GRM7: variants seen among roughly 807,000 people sequenced by gnomAD.
GRM7 encodes the protein metabotropic glutamate receptor 7.
Under a neutral mutation model 84.5 loss-of-function variants are expected in GRM7, and 35 were observed. That is an observed-to-expected ratio of 0.41 (90% CI 0.32 to 0.55). The LOEUF (loss-of-function observed/expected upper bound fraction) is 0.55. GRM7 is among the 20% of genes least tolerant of loss of function. The pLI is 0.19. For synonymous variants in GRM7, 487 were observed against 455.1 expected (o/e 1.07, Z -0.89); for missense variants, 1,003 against 1,194.6 (o/e 0.84, Z 2.36).
chr3:7,268,741 G>T (rs1464376531), intron 2 of GRM7, among the ~76,000 whole-genome samples: 1 of 152,154 alleles, frequency 6.6e-6, no homozygotes, highest in Non-Finnish European at 1.5e-5. Context: ...GACTTACCAT[G>T]CTGGCTAAAA....
At chr3:7,125,080 C>T (rs1255562036) in intron 1 of GRM7, among the ~76,000 whole-genome samples, 1 of 152,146 alleles carries the variant, frequency 6.6e-6, no homozygotes, top group East Asian at 1.9e-4. Context: ...GCTGGGACTA[C>T]AGGCACCCAC....
intron 7 of GRM7, among the ~76,000 whole-genome samples, chr3:7,492,064 A>G (rs775056262): frequency 8.5e-5 from 13 of 152,190 alleles, no homozygotes; most frequent in Admixed American, 5.9e-4. Flanking sequence ...GGAATCCCAC[A>G]TAGTCATGGT....
chr3:6,887,424 C>T (rs1005977175), intron 1 of GRM7, among the ~76,000 whole-genome samples: 33 of 151,330 alleles, frequency 2.2e-4, no homozygotes, highest in African/African-American at 8.0e-4. Context: ...TGTTCCCCTT[C>T]CTGTGTCCAT....
At chr3:6,941,598 A>T (rs1242122813) in intron 1 of GRM7, among the ~76,000 whole-genome samples, 1 of 152,250 alleles carries the variant, frequency 6.6e-6, no homozygotes, top group African/African-American at 2.4e-5. Flanking sequence ...ACTGATTTAG[A>T]CAAAGCCACA....
At chr3:7,074,349 C>T (rs543737549) in intron 1 of GRM7, among the ~76,000 whole-genome samples, 1 of 152,096 alleles carries the variant, frequency 6.6e-6, no homozygotes, top group East Asian at 1.9e-4. Context: ...TAAGATGTGG[C>T]AAGCTTACCA....
At chr3:6,873,353 G>A (rs570328455) in intron 1 of GRM7, among the ~76,000 whole-genome samples, 2 of 152,276 alleles carry the variant, frequency 1.3e-5, no homozygotes, top group South Asian at 2.1e-4. Context: ...GATTACGGGC[G>A]TGAGCCACCT....
chr3:7,629,091 G>T (rs140523635), intron 8 of GRM7, among the ~76,000 whole-genome samples: 3 of 152,262 alleles, frequency 2.0e-5, no homozygotes, highest in Non-Finnish European at 4.4e-5. Context: ...GTAAAAAAAA[G>T]GAGATAACTT....
At chr3:7,675,629 T>G (rs1367148559) in intron 8 of GRM7, among the ~76,000 whole-genome samples, 1 of 152,234 alleles carries the variant, frequency 6.6e-6, no homozygotes, top group Non-Finnish European at 1.5e-5. Flanking sequence ...CACCACATAT[T>G]TATGCACTTT....
intron 2 of GRM7, among the ~76,000 whole-genome samples, chr3:7,244,765 A>T (rs1697693543): frequency 6.6e-6 from 1 of 152,196 alleles, no homozygotes; most frequent in African/African-American, 2.4e-5. Context: ...TTTCCAGTAG[A>T]TAATCAAAAA....
intron 5 of GRM7, among the ~76,000 whole-genome samples, chr3:7,428,369 C>T (rs1696696918): frequency 6.6e-6 from 1 of 152,116 alleles, no homozygotes; most frequent in African/African-American, 2.4e-5. Context: ...AACTTTTTTT[C>T]TCCTGGGACA....
chr3:7,632,839 C>T (rs1182749782), intron 8 of GRM7, among the ~76,000 whole-genome samples: 1 of 152,084 alleles, frequency 6.6e-6, no homozygotes, highest in Non-Finnish European at 1.5e-5. Flanking sequence ...TTATTTTACA[C>T]ATTAAAAAAA....
intron 1 of GRM7, among the ~76,000 whole-genome samples, chr3:6,945,873 G>T (rs1252498245): frequency 6.6e-6 from 1 of 152,158 alleles, no homozygotes; most frequent in Non-Finnish European, 1.5e-5. Context: ...TTTGAGAAGT[G>T]TCTGTTCATA....
intron 1 of GRM7, among the ~76,000 whole-genome samples, chr3:7,089,668 C>T (rs1464049557): frequency 1.3e-5 from 2 of 152,058 alleles, no homozygotes; most frequent in South Asian, 4.1e-4. Flanking sequence ...AAATGTTGTT[C>T]AAGAGTTTGT....
intron 9 of GRM7, among the ~76,000 whole-genome samples, chr3:7,735,191 G>C (rs1333045386): frequency 6.6e-6 from 1 of 152,186 alleles, no homozygotes; most frequent in East Asian, 1.9e-4. Context: ...TGGGGGAAGA[G>C]GCACAGACAG....
chr3:7,306,724 T>C, intron 4 of GRM7, 72 bp downstream of exon 4: 2 of 1,324,300 alleles, frequency 1.5e-6, no homozygotes, highest in South Asian at 3.0e-5. Flanking sequence ...AGCATGTGAC[T>C]TTTTAGGGGT....
intron 4 of GRM7, among the ~76,000 whole-genome samples, chr3:7,347,179 A>G (rs370344228): frequency 2.0e-5 from 3 of 152,148 alleles, no homozygotes; most frequent in Non-Finnish European, 2.9e-5. Context: ...AAGCATGTTT[A>G]GAGAGAAAGA....
chr3:7,195,181 T>A (rs1294600127), intron 2 of GRM7, among the ~76,000 whole-genome samples: 1 of 152,146 alleles, frequency 6.6e-6, no homozygotes, highest in Non-Finnish European at 1.5e-5. Flanking sequence ...ACAAAAGTCT[T>A]GCAGGCATTG....
Position 7,307,926 on chromosome 3 carries a change from CAT to C in GRM7, c.1033+1275_1033+1276del, listed in dbSNP as rs1700250096. The stretch of plus-strand genomic sequence containing the variant: ...GAACAGGCAGAGACTACATGGGAAA[CAT>C]TGTAAGTACAGTATGGAGGGCACAG... On this transcript the variant is annotated intron_variant, in intron 4 of 9. Coordinates refer to ENST00000357716, the MANE Select transcript of GRM7 (RefSeq NM_000844.4). Among the ~76,000 whole-genome samples the C allele has an allele frequency of 2.8e-5, 4 of 144,772 alleles. No homozygotes were observed. The Admixed American group carries it at 2.8e-4, about 10-fold the overall frequency. The allele number at this position is 144,772 out of a possible 152,430, so 95.0% of individuals were successfully genotyped here.
At chr3:7,441,706 C>T (rs1697294380) in intron 5 of GRM7, among the ~76,000 whole-genome samples, 1 of 152,066 alleles carries the variant, frequency 6.6e-6, no homozygotes, top group South Asian at 2.1e-4. Flanking sequence ...TATGGCTAAC[C>T]AGTTATCCCA....
Sources: allele counts gnomAD v4.1 joint callset (sites outside exome capture counted in the v4.1 genomes callset), GRCh38; gene constraint gnomAD v4.1.1; transcripts MANE v1.5; gene names NCBI Gene and HGNC (gene_info 2026-07-23, HGNC 2026-07-21).